The following LIFR variants were observed in gnomAD, a reference collection of about 807,000 sequenced individuals.
LIFR encodes the protein leukemia inhibitory factor receptor.
A neutral mutation model predicts 122.2 loss-of-function variants in LIFR; 84 were observed. That is an observed-to-expected ratio of 0.69 (90% CI 0.58 to 0.82). The LOEUF is 0.82. Ranked by LOEUF, LIFR falls within the 40% of genes least tolerant of loss-of-function variation. The probability of loss-of-function intolerance (pLI) is 0.00; values close to 1 mark genes in which losing one functional copy is unlikely to be tolerated. For missense variants in LIFR, 1,294 were observed against 1,311.6 expected, an observed-to-expected ratio of 0.99 and a Z score of 0.21; for synonymous variants, 422 against 434.7, an observed-to-expected ratio of 0.97 and a Z score of 0.36.
At chr5:38,566,671 G>A (rs1580202900) in intron 1 of LIFR, among the ~76,000 whole-genome samples, 4 of 152,096 alleles carry the variant, frequency 2.6e-5, no homozygotes, top group Admixed American at 2.0e-4. Flanking sequence ...ATAATGTAAT[G>A]TAATAATATA....
Position 38,527,204 on chromosome 5 carries a change from A to G in LIFR, c.348T>C (p.His116=). The part of the protein sequence containing the change: ...GDYEITINSL[H]DFGSSTSKFT... ...ATTTACTTGTAGAACTTCCAAAATCATGTAGAGAATTTATTGTTATTTCAT... is the reference window on the plus strand; with the variant it reads ...ATTTACTTGTAGAACTTCCAAAATCGTGTAGAGAATTTATTGTTATTTCAT... Residue 116 remains histidine (H), a synonymous_variant, in exon 4 of 20, where the codon CAT becomes CAC. Transcript: ENST00000453190. The G allele has an allele frequency of 6.3e-7, 1 of 1,589,244 alleles. No individual in the cohort carries two copies. Among genetic ancestry groups the G allele is most frequent in the Non-Finnish European group, 8.6e-7 (1 of 1,158,578 alleles).
upstream of LIFR, among the ~76,000 whole-genome samples, chr5:38,560,786 C>T (rs181274010): frequency 7.9e-5 from 12 of 151,936 alleles, no homozygotes; most frequent in East Asian, 2.3e-3. Context: ...TTAGTAGAGA[C>T]AGGGTTTCAC....
intron 4 of LIFR, among the ~76,000 whole-genome samples, chr5:38,525,480 C>T (rs749899328): frequency 1.3e-5 from 2 of 152,078 alleles, no homozygotes; most frequent in East Asian, 1.9e-4. Context: ...ACATTAATCT[C>T]GGAACTTAAA....
chr5:38,567,496 G>GTATTTATTTATTTATTTATGTATTTATT (rs1554029744), intron 1 of LIFR, among the ~76,000 whole-genome samples: 5 of 132,882 alleles, frequency 3.8e-5, no homozygotes, highest in Non-Finnish European at 7.9e-5. Context: ...TGACCATTCT[G>GTATTTATTTATTTATTTATGTATTTATT]TATTTATTTA....
chr5:38,534,620 A>C (rs1341674971), intron 1 of LIFR, among the ~76,000 whole-genome samples: 1 of 152,244 alleles, frequency 6.6e-6, no homozygotes, highest in Non-Finnish European at 1.5e-5. Context: ...ACCAAGATGC[A>C]TCACTGAGAA....
At chr5:38,575,304 C>G (rs1262651155) in intron 1 of LIFR, among the ~76,000 whole-genome samples, 7 of 152,090 alleles carry the variant, frequency 4.6e-5, no homozygotes, top group Non-Finnish European at 2.9e-5. Context: ...GGTGGGGGCC[C>G]CAGGGTACTG....
In LIFR at chr5:38,502,673, A is replaced by C. The variant is rs1204941691; in HGVS notation, c.1564T>G (p.Trp522Gly). ...STETFWKWSK[W>G]SNKKQHLTTE... Reference sequence around the variant, plus strand: ...GTTAAATGTTGTTTTTTATTGCTCCATTTGCTCCATTTCCAGAAAGTTTCA... The same window carrying C: ...GTTAAATGTTGTTTTTTATTGCTCCCTTTGCTCCATTTCCAGAAAGTTTCA... Residue 522 changes from tryptophan to glycine, a missense_variant, in exon 11 of 20, where the codon TGG becomes GGG. Coordinates refer to ENST00000453190, the MANE Select transcript of LIFR (RefSeq NM_001127671.2). 6.2e-7 allele frequency: 1 copy of C among 1,613,454 alleles called. No individual in the cohort carries two copies. The highest frequency in any genetic ancestry group is 1.3e-5 in the African/African-American group (1 of 74,868).
chr5:38,540,708 CT>C (rs1212221882), intron 1 of LIFR, among the ~76,000 whole-genome samples: 2 of 151,688 alleles, frequency 1.3e-5, no homozygotes, highest in Admixed American at 6.6e-5. Flanking sequence ...CAGGTTGTTG[CT>C]TTTTTAGTTT....
At position 38,477,652 on chromosome 5, in the gene LIFR, C is replaced by T. The variant is rs1295338594; in HGVS notation, c.*3943G>A. The T allele has an allele frequency of 4.7e-6, 1 of 214,940 alleles. No individual in the cohort carries two copies. Among genetic ancestry groups the T allele is most frequent in the Admixed American group, 5.8e-5 (1 of 17,136 alleles). 13.3% of individuals were successfully genotyped at this position (214,940 alleles called of 1,614,324 possible). A position where few individuals can be genotyped will look rare whatever the true frequency, so the allele number is the denominator to read the frequency against. The stretch of plus-strand genomic sequence containing the variant: ...AGTTTTCACTCAAACCGTGGAGTCA[C>T]TTCCGAAGTAGATTTGAATCTTTGA... On this transcript the variant is annotated 3_prime_UTR_variant, in exon 20 of 20. Transcript: ENST00000453190.
At chr5:38,551,985 A>C (rs978327618) in intron 1 of LIFR, among the ~76,000 whole-genome samples, 1 of 152,218 alleles carries the variant, frequency 6.6e-6, no homozygotes, top group Non-Finnish European at 1.5e-5. Context: ...CTAAGCCTCT[A>C]AATTTACCCC....
At chr5:38,503,184 G>A (rs1176622284) in intron 10 of LIFR, among the ~76,000 whole-genome samples, 2 of 152,058 alleles carry the variant, frequency 1.3e-5, no homozygotes, top group East Asian at 3.9e-4. Flanking sequence ...ATGACTGTGA[G>A]GAATAAATGT....
chr5:38,512,857 C>A (rs1331317934), intron 5 of LIFR, among the ~76,000 whole-genome samples: 1 of 152,028 alleles, frequency 6.6e-6, no homozygotes, highest in Non-Finnish European at 1.5e-5. Flanking sequence ...GTTGCACTTT[C>A]AAAAGCTTAA....
At chr5:38,606,349 GAGAA>G (rs1750329300) in intron 1 of LIFR, 1 of 152,130 alleles carries the variant, frequency 6.6e-6, no homozygotes, top group Admixed American at 6.6e-5. Flanking sequence ...GAGAGAGAGT[GAGAA>G]AGAGAGAGAC....
intron 13 of LIFR, among the ~76,000 whole-genome samples, chr5:38,494,538 G>A (rs1744776678): frequency 6.6e-6 from 1 of 152,180 alleles, no homozygotes; most frequent in African/African-American, 2.4e-5. Context: ...TGTCTTGCCA[G>A]ATCTTGGCCT....
At chr5:38,596,356 C>T (rs901652346), upstream of LIFR, among the ~76,000 whole-genome samples, 2 of 152,050 alleles carry the variant, frequency 1.3e-5, no homozygotes, top group African/African-American at 4.8e-5. Context: ...TTGTGTACAC[C>T]GAAGTTTGAA....
At chr5:38,526,264 C>T (rs1746672968) in intron 4 of LIFR, among the ~76,000 whole-genome samples, 1 of 152,112 alleles carries the variant, frequency 6.6e-6, no homozygotes, top group South Asian at 2.1e-4. Flanking sequence ...TTCCTTAGGA[C>T]ATAAGAAGAT....
At position 38,496,461 on chromosome 5, in the gene LIFR, G is replaced by T. The variant is rs145286888; in HGVS notation, c.1806C>A (p.Asp602Glu). The T allele has an allele frequency of 9.9e-6, 16 of 1,613,970 alleles. No individual in the cohort carries two copies. The highest frequency in any genetic ancestry group is 2.2e-5 in the East Asian group (1 of 44,896). ...TTTTAGCCACTACGCTGATGATGTA[G>T]TCATTCTTATCAAGTCGTATCTCTG... The part of the protein sequence containing the change: ...HKAEIRLDKN[D>E]YIISVVAKNS... The change falls in exon 13 of 20, where the codon GAC becomes GAA. Residue 602 changes from aspartate to glutamate, a missense_variant. Physicochemically the swap from Asp to Glu is conservative, Grantham distance 45. Coordinates refer to ENST00000453190, the MANE Select transcript of LIFR (RefSeq NM_001127671.2).
chr5:38,493,339 C>A (rs1052377382), intron 14 of LIFR, among the ~76,000 whole-genome samples: 1 of 152,036 alleles, frequency 6.6e-6, no homozygotes, highest in Non-Finnish European at 1.5e-5. Context: ...TAATTTTTCA[C>A]AATTATCAAT....
At chr5:38,549,778 G>A (rs906883093) in intron 1 of LIFR, among the ~76,000 whole-genome samples, 9 of 152,192 alleles carry the variant, frequency 5.9e-5, no homozygotes, top group Admixed American at 3.9e-4. Context: ...GCAACACAGC[G>A]AGACTCCGTT....
Sources: allele counts gnomAD v4.1 joint callset (sites outside exome capture counted in the v4.1 genomes callset), GRCh38; gene constraint gnomAD v4.1.1; transcripts MANE v1.5; gene names NCBI Gene and HGNC (gene_info 2026-07-23, HGNC 2026-07-21).